The following TMC8 variants were observed in gnomAD, a reference collection of about 807,000 sequenced individuals.
TMC8 encodes the protein transmembrane channel-like protein 8.
A neutral mutation model predicts 76.0 loss-of-function variants in TMC8; 71 were observed. The observed-to-expected ratio is 0.93, with a 90% CI of 0.77 to 1.14. TMC8 has a LOEUF of 1.14. Among genes scored for constraint, TMC8 ranks in the 50% most tolerant of loss-of-function variants. The pLI is 0.00. For missense variants in TMC8, 924 were observed against 947.9 expected, an observed-to-expected ratio of 0.97 and a Z score of 0.33; for synonymous variants, 433 against 433.8, an observed-to-expected ratio of 1.00 and a Z score of 0.02.
chr17:78,132,895 G>C, intron 5 of TMC8, 25 bp downstream of exon 5: 2 of 1,613,358 alleles, frequency 1.2e-6, no homozygotes, highest in Non-Finnish European at 1.7e-6. Context: ...TCCCGGCTAT[G>C]GTCCAGAGTC....
intron 3 of TMC8, 96 bp downstream of exon 3, chr17:78,132,126 C>G (rs1395679045): frequency 1.3e-6 from 2 of 1,517,074 alleles, no homozygotes; most frequent in South Asian, 1.2e-5. Flanking sequence ...CCTGCCTTCA[C>G]CCGGGTCCCC....
At chr17:78,135,436 T>C (rs1031073852) in intron 9 of TMC8, among the ~76,000 whole-genome samples, 4 of 152,160 alleles carry the variant, frequency 2.6e-5, no homozygotes, top group South Asian at 2.1e-4. Context: ...GAGGTTCACA[T>C]GAGTGAAGCG....
chr17:78,140,691 G>GC, intron 15 of TMC8, 143 bp from the exon 16 acceptor site: 1 of 1,152,172 alleles, frequency 8.7e-7, no homozygotes, highest in East Asian at 2.6e-5. Flanking sequence ...CCTCGAGCGG[G>GC]GCGTGGCCTC....
In TMC8 at chr17:78,141,078, G is replaced by A; in HGVS notation, c.2147G>A (p.Arg716His). 1 of 1,585,358 alleles carries A rather than the reference G, an allele frequency of 6.3e-7. No homozygotes were observed. Residue 716 changes from arginine (R) to histidine (H), a missense_variant, in exon 16 of 16, where the codon CGC becomes CAC. Arg to His is a conservative substitution (Grantham distance 29). Coordinates refer to ENST00000318430, the MANE Select transcript of TMC8 (RefSeq NM_152468.5). ...CAGCACGGTGCCCCGGCCTCCGCCC[G>A]CAGATTCCGCTTCCCCAGCGGCGCG... ...PGQHGAPASA[R>H]RFRFPSGAEL
intron 15 of TMC8, 94 bp from the exon 16 acceptor site, chr17:78,140,740 G>A: frequency 6.6e-7 from 1 of 1,510,020 alleles, no homozygotes; most frequent in Non-Finnish European, 9.0e-7. Context: ...GGTGCGGGCT[G>A]GCCCATGGGC....
chr17:78,134,477 G>A lies in TMC8; in HGVS notation c.900G>A (p.Leu300=), dbSNP rs1415546370. Residue 300 remains leucine (L), a synonymous_variant, in exon 8 of 16, where the codon CTG becomes CTA. Transcript: ENST00000318430. ...AQTACRLLSY[L]RVNVLNGLLV... ...CGGCCTGCCGCCTGCTCTCCTACCT[G>A]CGGGTCAACGTACTCAACGGGCTCC... 1.2e-6 allele frequency: 2 copies of A among 1,614,060 alleles called. No individual in the cohort carries two copies. The highest frequency in any genetic ancestry group is 2.2e-5 in the South Asian group (2 of 91,086).
intron 9 of TMC8, 77 bp from the exon 10 acceptor site, chr17:78,137,158 A>C: frequency 6.3e-7 from 1 of 1,595,154 alleles, no homozygotes; most frequent in Non-Finnish European, 8.5e-7. Flanking sequence ...CTCGGACATC[A>C]GCCACACCTA....
At chr17:78,140,452 T>A (rs2075344542) in intron 15 of TMC8, among the ~76,000 whole-genome samples, 1 of 148,954 alleles carries the variant, frequency 6.7e-6, no homozygotes, top group Admixed American at 6.7e-5. Context: ...GGCCTTGGGC[T>A]GCTTGGGGAC....
rs769699571 is a variant in TMC8, at chr17:78,138,135, CT to C, written c.1481del (p.Leu494ArgfsTer5). On this transcript the variant is annotated frameshift_variant, in exon 12 of 16. Transcript: ENST00000318430. LOFTEE classifies it high-confidence loss of function. ...VTWMGLFYCP[L>X]LPLLNSVFLF... ...CTGGATGGGCCTCTTCTACTGCCCC[CT>C]GCTGCCCCTGCTGAATAGCGTCTTC... The C allele has an allele frequency of 2.5e-4, 398 of 1,613,984 alleles. No individual in the cohort carries two copies. The highest frequency in any genetic ancestry group is 1.9e-5 in the Non-Finnish European group (23 of 1,179,982).
chr17:78,141,240 G>T lies in TMC8; in HGVS notation c.*128G>T. 1 of 445,262 alleles carries T rather than the reference G, an allele frequency of 2.2e-6. No individual in the cohort carries two copies. Among genetic ancestry groups the T allele is most frequent in the Non-Finnish European group, 3.9e-6 (1 of 255,932 alleles). The allele number at this position is 445,262 out of a possible 1,614,324, so 27.6% of individuals were successfully genotyped here. ...GCCTCCCTCAGAGGTCCCCAAAGAT[G>T]GACACACAACCCCAGCGGCAGCAGG... On this transcript the variant is annotated 3_prime_UTR_variant, in exon 16 of 16. Coordinates refer to ENST00000318430, the MANE Select transcript of TMC8 (RefSeq NM_152468.5).
intron 5 of TMC8, 107 bp from the exon 6 acceptor site, chr17:78,133,299 C>T: frequency 6.4e-7 from 1 of 1,569,814 alleles, no homozygotes; most frequent in Admixed American, 1.7e-5. Flanking sequence ...CGGGACACTC[C>T]CTACCTGATG....
intron 15 of TMC8, among the ~76,000 whole-genome samples, chr17:78,139,966 G>A (rs775885516): frequency 8.5e-5 from 13 of 152,076 alleles, no homozygotes; most frequent in African/African-American, 9.7e-5. Context: ...CTCAGGAGGC[G>A]GAGGGGCGGA....
chr17:78,137,157 C>T (rs1598918487), intron 9 of TMC8, 78 bp from the exon 10 acceptor site: 2 of 1,593,504 alleles, frequency 1.3e-6, no homozygotes, highest in Non-Finnish European at 1.7e-6. Context: ...ACTCGGACAT[C>T]AGCCACACCT....
intron 5 of TMC8, 102 bp downstream of exon 5, chr17:78,132,972 T>C (rs376056138): frequency 5.2e-6 from 7 of 1,349,714 alleles, no homozygotes; most frequent in East Asian, 2.3e-5. Context: ...TCCAGGGACA[T>C]TTCGGCTCCT....
In TMC8 at chr17:78,131,398, A is replaced by G; in HGVS notation, c.-191A>G. 1.4e-6 allele frequency: 1 copy of G among 739,670 alleles called. No individual in the cohort carries two copies. The highest frequency in any genetic ancestry group is 2.2e-6 in the Non-Finnish European group (1 of 455,642). The allele number at this position is 739,670 out of a possible 1,614,324, so 45.8% of individuals were successfully genotyped here. On this transcript the variant is annotated 5_prime_UTR_variant, in exon 2 of 16. Coordinates refer to ENST00000318430, the MANE Select transcript of TMC8 (RefSeq NM_152468.5). The stretch of plus-strand genomic sequence containing the variant: ...TGAGCCCCGGAGGTGGCAGAGCGGC[A>G]GACCCGGGCAAGTGAACCCTAGGGC...
rs1359422042 is a variant in TMC8, at chr17:78,131,611, C to T, written c.23C>T (p.Ser8Leu). Residue 8 changes from serine (S) to leucine (L), a missense_variant, in exon 2 of 16, where the codon TCA (serine) becomes TTA (leucine). Transcript: ENST00000318430. MLLPRSV[S>L]SERAPGVPEP... is the part of the protein sequence containing the mutation. ...GAGATGCTGCTGCCGCGGTCGGTGTCATCGGAGCGGGCCCCTGGGGTGCCG... is the reference window on the plus strand; with the variant it reads ...GAGATGCTGCTGCCGCGGTCGGTGTTATCGGAGCGGGCCCCTGGGGTGCCG... 6.5e-7 allele frequency: 1 copy of T among 1,548,812 alleles called. No individual in the cohort carries two copies. Among genetic ancestry groups the T allele is most frequent in the African/African-American group, 1.4e-5 (1 of 73,144 alleles).
chr17:78,133,766 C>T (rs548241602), intron 6 of TMC8, 87 bp from the exon 7 acceptor site: 2 of 1,592,888 alleles, frequency 1.3e-6, no homozygotes, highest in East Asian at 4.5e-5. Context: ...GCTGCAGGGG[C>T]CTTCCCAGAC....
At chr17:78,135,897 C>T (rs1306020478) in intron 9 of TMC8, among the ~76,000 whole-genome samples, 3 of 151,868 alleles carry the variant, frequency 2.0e-5, no homozygotes, top group African/African-American at 7.3e-5. Flanking sequence ...CTACTAAAAA[C>T]ACAAAAATCA....
intron 9 of TMC8, among the ~76,000 whole-genome samples, chr17:78,136,465 A>G (rs1403408295): frequency 6.6e-6 from 1 of 151,884 alleles, no homozygotes; most frequent in African/African-American, 2.4e-5. Context: ...GTGAGACCCT[A>G]TCTCAAAAAA....
Sources: allele counts gnomAD v4.1 joint callset (sites outside exome capture counted in the v4.1 genomes callset), GRCh38; gene constraint gnomAD v4.1.1; transcripts MANE v1.5; gene names NCBI Gene and HGNC (gene_info 2026-07-23, HGNC 2026-07-21).